The following FSTL4 variants were observed in gnomAD, a reference collection of about 807,000 sequenced individuals.
FSTL4 encodes follistatin-related protein 4.
A neutral mutation model predicts 78.2 loss-of-function variants in FSTL4; 28 were observed. The ratio of observed to expected loss-of-function variants is 0.36; its 90% CI spans 0.27 to 0.49. The LOEUF is 0.49. Ranked by LOEUF, FSTL4 falls within the 20% of genes least tolerant of loss-of-function variation. The probability of loss-of-function intolerance (pLI) is 0.98; values close to 1 mark genes in which losing one functional copy is unlikely to be tolerated. For missense variants in FSTL4, 922 were observed against 1,084.9 expected, an observed-to-expected ratio of 0.85 and a Z score of 2.11; for synonymous variants, 422 against 440.5, an observed-to-expected ratio of 0.96 and a Z score of 0.53.
intron 3 of FSTL4, among the ~76,000 whole-genome samples, chr5:133,421,029 C>T (rs1173832258): frequency 1.3e-5 from 2 of 152,168 alleles, no homozygotes; most frequent in Non-Finnish European, 1.5e-5. Context: ...TGGGTGGTCT[C>T]CCCCACTCAC....
intron 3 of FSTL4, among the ~76,000 whole-genome samples, chr5:133,506,456 G>C (rs1242862441): frequency 6.6e-6 from 1 of 152,086 alleles, no homozygotes; most frequent in South Asian, 2.1e-4. Flanking sequence ...AATGAGAAAG[G>C]GGACAGATTT....
At chr5:133,353,354 A>G (rs1383526963) in intron 4 of FSTL4, among the ~76,000 whole-genome samples, 1 of 152,140 alleles carries the variant, frequency 6.6e-6, no homozygotes, top group Non-Finnish European at 1.5e-5. Context: ...TTTGGTGATG[A>G]ACAAATAACC....
upstream of FSTL4, among the ~76,000 whole-genome samples, chr5:133,612,998 G>A (rs1356684309): frequency 6.6e-6 from 1 of 152,210 alleles, no homozygotes; most frequent in Admixed American, 6.5e-5. This position sits in a 1 kb window ranked among gnomAD's most constrained non-coding sequence, Gnocchi z 6.2. Flanking sequence ...AACAGCAAAG[G>A]TTTTCTCTTT....
In FSTL4 at chr5:133,593,797, C is replaced by T. The variant is rs760777957; in HGVS notation, c.126+10061G>A. 1.4e-4 allele frequency among the ~76,000 whole-genome samples: 21 copies of T among 152,100 alleles called. 1 individual carries two copies. The highest frequency in any genetic ancestry group is 2.1e-4 in the Non-Finnish European group (14 of 68,010). On this transcript the variant is annotated intron_variant, in intron 2 of 15. Transcript: ENST00000265342. ...TAGGCTAAAGTTGAGATCTTAATTT[C>T]GACATTATATACAGACTAGAAAAAG...
intron 8 of FSTL4, among the ~76,000 whole-genome samples, chr5:133,230,720 T>C (rs905623459): frequency 1.3e-5 from 2 of 152,166 alleles, no homozygotes; most frequent in Non-Finnish European, 2.9e-5. Flanking sequence ...TGGGGATCAC[T>C]AGGCCTCTTC....
the FSTL4 span, among the ~76,000 whole-genome samples, chr5:133,808,300 G>A: frequency 6.6e-6 from 1 of 152,226 alleles, no homozygotes; most frequent in Non-Finnish European, 1.5e-5. Context: ...CTCGGGGCTA[G>A]ACCCAGGGAG....
Position 133,332,777 on chromosome 5 carries a change from A to C in FSTL4, c.410-16125T>G, listed in dbSNP as rs1754377264. 1.3e-5 allele frequency among the ~76,000 whole-genome samples: 2 copies of C among 152,248 alleles called. 1 individual carries two copies. The highest frequency in any genetic ancestry group is 4.8e-5 in the African/African-American group (2 of 41,474). On this transcript the variant is annotated intron_variant, in intron 4 of 15. Transcript: ENST00000265342. ...TGATGTCATGGCTCCTAATAAAAACAGGAGCCATCAGCTAAATAAGCCAAT... is the reference window on the plus strand; with the variant it reads ...TGATGTCATGGCTCCTAATAAAAACCGGAGCCATCAGCTAAATAAGCCAAT...
At chr5:133,243,541 T>G (rs1751943126) in intron 7 of FSTL4, among the ~76,000 whole-genome samples, 1 of 152,130 alleles carries the variant, frequency 6.6e-6, no homozygotes, top group African/African-American at 2.4e-5. Context: ...ACAGCAAAGA[T>G]TTGGAATTGC....
At chr5:133,390,938 C>T (rs1274445402) in intron 4 of FSTL4, among the ~76,000 whole-genome samples, 1 of 152,216 alleles carries the variant, frequency 6.6e-6, no homozygotes, top group Admixed American at 6.5e-5. Flanking sequence ...CAGCCGAGCC[C>T]CCAGGCCTCT....
intron 4 of FSTL4, among the ~76,000 whole-genome samples, chr5:133,347,657 C>T (rs1481321532): frequency 1.3e-5 from 2 of 152,190 alleles, no homozygotes; most frequent in Non-Finnish European, 2.9e-5. Context: ...CTGAGCTCAG[C>T]CTTGACTTTC....
At chr5:133,580,816 T>C (rs1760385301) in intron 2 of FSTL4, among the ~76,000 whole-genome samples, 1 of 152,186 alleles carries the variant, frequency 6.6e-6, no homozygotes, top group Admixed American at 6.5e-5. Context: ...GCGGAGGTCC[T>C]AGGGATGGCA....
the FSTL4 span, among the ~76,000 whole-genome samples, chr5:133,641,924 TTTC>T: frequency 1.3e-5 from 2 of 151,980 alleles, no homozygotes; most frequent in East Asian, 1.9e-4. Flanking sequence ...CTCCTCCTTC[TTTC>T]TTCTTCTTCT....
intron 2 of FSTL4, among the ~76,000 whole-genome samples, chr5:133,598,160 C>A (rs915639254): frequency 1.3e-5 from 2 of 152,234 alleles, no homozygotes; most frequent in African/African-American, 2.4e-5. Context: ...CTGCAGTCAG[C>A]ATCATGTCAG....
At chr5:133,481,456 C>T (rs1211624302) in intron 3 of FSTL4, among the ~76,000 whole-genome samples, 2 of 149,204 alleles carry the variant, frequency 1.3e-5, no homozygotes, top group East Asian at 2.0e-4. Flanking sequence ...GCAGGAGAAT[C>T]ACTTGAGCCT....
intron 4 of FSTL4, among the ~76,000 whole-genome samples, chr5:133,381,746 C>A (rs1755578331): frequency 6.6e-6 from 1 of 152,210 alleles, no homozygotes; most frequent in African/African-American, 2.4e-5. Flanking sequence ...GGTTTCCCTT[C>A]CAATTCTATG....
intron 3 of FSTL4, among the ~76,000 whole-genome samples, chr5:133,464,020 C>T (rs940598725): frequency 1.3e-5 from 2 of 152,246 alleles, no homozygotes; most frequent in Non-Finnish European, 2.9e-5. Context: ...TCAATCACCT[C>T]CCAAGGTGAC....
At chr5:133,566,432 AG>A (rs1760027830) in intron 3 of FSTL4, among the ~76,000 whole-genome samples, 1 of 152,170 alleles carries the variant, frequency 6.6e-6, no homozygotes, top group African/African-American at 2.4e-5. Context: ...GATGTGGTGA[AG>A]GGTAAAACCA....
chr5:133,694,742 C>T, the FSTL4 span, among the ~76,000 whole-genome samples: 4 of 152,184 alleles, frequency 2.6e-5, no homozygotes, highest in South Asian at 2.1e-4. Flanking sequence ...CTCATGGTTC[C>T]GGAGGCTGCA....
chr5:133,839,944 C>G, the FSTL4 span, among the ~76,000 whole-genome samples: 2 of 152,358 alleles, frequency 1.3e-5, no homozygotes, highest in African/African-American at 4.8e-5. Context: ...CTACAGTGAG[C>G]TGCCCACTCC....
Sources: allele counts gnomAD v4.1 joint callset (sites outside exome capture counted in the v4.1 genomes callset), GRCh38; gene constraint gnomAD v4.1.1; non-coding constraint Gnocchi (gnomAD v3.1); transcripts MANE v1.5; gene names NCBI Gene and HGNC (gene_info 2026-07-23, HGNC 2026-07-21).